Variants in TGM4 observed in about 807,000 individuals in gnomAD.
The protein encoded by TGM4 is transglutaminase 4, also known as protein-glutamine gamma-glutamyltransferase 4.
Under a neutral mutation model 76.3 loss-of-function variants are expected in TGM4, and 61 were observed. The observed-to-expected ratio is 0.80, with a 90% CI of 0.65 to 0.99. The LOEUF (loss-of-function observed/expected upper bound fraction) is 0.99. Among genes scored for constraint, TGM4 ranks in the 50% least tolerant of loss-of-function variants. TGM4 has a pLI of 0.00. For synonymous variants in TGM4, 337 were observed against 329.8 expected, an observed-to-expected ratio of 1.02 and a Z score of -0.24; for missense variants, 794 against 843.2, an observed-to-expected ratio of 0.94 and a Z score of 0.72.
intron 9 of TGM4, among the ~76,000 whole-genome samples, chr3:44,906,678 C>G (rs895048202): frequency 6.6e-6 from 1 of 152,170 alleles, no homozygotes; most frequent in Non-Finnish European, 1.5e-5. Flanking sequence ...CTGTGCTCTA[C>G]TGGGGACTGA....
At chr3:44,895,226 C>T (rs541415204) in intron 5 of TGM4, among the ~76,000 whole-genome samples, 3 of 152,258 alleles carry the variant, frequency 2.0e-5, no homozygotes, top group East Asian at 1.9e-4. Context: ...ACCCGGGAGA[C>T]GGAGGTTGCA....
chr3:44,910,389 A>C, intron 11 of TGM4, 21 bp downstream of exon 11: 2 of 1,607,632 alleles, frequency 1.2e-6, no homozygotes, highest in South Asian at 2.2e-5. Context: ...CAGAGGGAGG[A>C]GAGGCCTCAA....
At chr3:44,902,786 T>C (rs1699872407) in intron 8 of TGM4, among the ~76,000 whole-genome samples, 1 of 152,170 alleles carries the variant, frequency 6.6e-6, no homozygotes, top group Non-Finnish European at 1.5e-5. Context: ...ATGAAGCTTA[T>C]TTCCTTTGTT....
rs372660125 is a variant in TGM4, at chr3:44,889,430, T to G, written c.301-1173T>G. Among the ~76,000 whole-genome samples, 253 of 152,150 alleles carry G rather than the reference T, an allele frequency of 1.7e-3. 1 individual carries two copies. Among genetic ancestry groups the G allele is most frequent in the African/African-American group, 5.7e-3 (238 of 41,518 alleles). Reference sequence around the variant, plus strand: ...CCTGCCCTTTCTCCTGGGGCCTTCCTGAAGTCAAAAGCCATCAGATGCCCA... The same window carrying G: ...CCTGCCCTTTCTCCTGGGGCCTTCCGGAAGTCAAAAGCCATCAGATGCCCA... On this transcript the variant is annotated intron_variant, in intron 3 of 13. Coordinates refer to ENST00000296125, the MANE Select transcript of TGM4 (RefSeq NM_003241.4).
chr3:44,906,654 C>G (rs543483325), intron 9 of TGM4, among the ~76,000 whole-genome samples: 26 of 152,256 alleles, frequency 1.7e-4, no homozygotes, highest in African/African-American at 3.9e-4. Flanking sequence ...GAATCAGACC[C>G]AGATTGTGTG....
intron 10 of TGM4, among the ~76,000 whole-genome samples, chr3:44,907,569 G>T (rs1699942350): frequency 6.6e-6 from 1 of 152,182 alleles, no homozygotes; most frequent in South Asian, 2.1e-4. Flanking sequence ...GTTCTCCCCA[G>T]TGCCCAGTAA....
At chr3:44,879,619 C>A (rs1330531588) in intron 1 of TGM4, among the ~76,000 whole-genome samples, 3 of 151,612 alleles carry the variant, frequency 2.0e-5, no homozygotes, top group African/African-American at 7.3e-5. Flanking sequence ...ACTACAGGCG[C>A]CTGCCACCAC....
In TGM4 at chr3:44,887,848, C is replaced by T. The variant is rs754440081; in HGVS notation, c.300+53C>T. 1.0e-5 allele frequency: 16 copies of T among 1,525,216 alleles called. No individual in the cohort carries two copies. In the Admixed American group the frequency reaches 1.3e-4, roughly 13 times the overall value. The allele number at this position is 1,525,216 out of a possible 1,614,324, so 94.5% of individuals were successfully genotyped here. A position where few individuals can be genotyped will look rare whatever the true frequency, so the allele number is the denominator to read the frequency against. ...GCTGGCTGGCTTCTGGCGGAATGCT[C>T]CTAATGTGAGCAGCCCCTATCCCCT... On this transcript the variant is annotated intron_variant, in intron 3 of 13. Transcript: ENST00000296125.
intron 1 of TGM4, among the ~76,000 whole-genome samples, chr3:44,878,451 TA>T (rs869026666): frequency 0.03 from 365 of 12,168 alleles, 5 homozygotes; most frequent in African/African-American, 0.078. Flanking sequence ...ACTTTTGTTT[TA>T]TTATTATTAT....
At chr3:44,895,021 C>T (rs183155639) in intron 5 of TGM4, among the ~76,000 whole-genome samples, 2 of 152,248 alleles carry the variant, frequency 1.3e-5, no homozygotes, top group East Asian at 3.9e-4. Context: ...GTGGGCCGGG[C>T]ACGGTGGCTC....
At chr3:44,883,271 T>C (rs774254818) in intron 1 of TGM4, among the ~76,000 whole-genome samples, 2 of 152,140 alleles carry the variant, frequency 1.3e-5, no homozygotes, top group Non-Finnish European at 2.9e-5. Context: ...GGGTTGCCAA[T>C]GTGGTGATAC....
At chr3:44,911,446 A>G (rs2036618) in intron 13 of TGM4, 40 bp downstream of exon 13, 18,391 of 1,609,840 alleles carry the variant, frequency 0.011, 253 homozygotes, top group African/African-American at 0.064. Context: ...ATGCTTCTGG[A>G]CATATATCTT....
rs1393072540 is a variant in TGM4 at position 44,914,019 on chromosome 3, T to C, written c.*294T>C. ...CCACCATTGTCTCAATTCAAATCCA[T>C]AGATTTCGAAGCCACAGAGTCTCTC... On this transcript the variant is annotated 3_prime_UTR_variant, in exon 14 of 14. Coordinates refer to ENST00000296125, the MANE Select transcript of TGM4 (RefSeq NM_003241.4). 3 of 297,618 alleles carry C rather than the reference T, an allele frequency of 1.0e-5. No homozygotes were observed. Among genetic ancestry groups the C allele is most frequent in the East Asian group, 6.6e-5 (1 of 15,090 alleles). 18.4% of individuals were successfully genotyped at this position (297,618 alleles called of 1,614,324 possible).
chr3:44,892,913 T>A (rs1235992028), intron 4 of TGM4, among the ~76,000 whole-genome samples: 1 of 152,228 alleles, frequency 6.6e-6, no homozygotes, highest in Non-Finnish European at 1.5e-5. Flanking sequence ...CAGTCCTTGC[T>A]GGATATTATG....
intron 13 of TGM4, among the ~76,000 whole-genome samples, 178 bp downstream of exon 13, chr3:44,911,584 A>T (rs1700006778): frequency 6.6e-6 from 1 of 152,186 alleles, no homozygotes; most frequent in Admixed American, 6.5e-5. Context: ...CTACCGACAG[A>T]TCTTTTTGAT....
Position 44,913,906 on chromosome 3 carries a change from C to A in TGM4, c.*181C>A. ...CCCACAAGGCCAGGTCCTGTGCTAT[C>A]ACAGGGTCACCTCTTTTACAGTTAG... On this transcript the variant is annotated 3_prime_UTR_variant, in exon 14 of 14. Transcript: ENST00000296125. 1 of 703,742 alleles carries A rather than the reference C, an allele frequency of 1.4e-6. No individual in the cohort carries two copies. The highest frequency in any genetic ancestry group is 2.2e-6 in the Non-Finnish European group (1 of 445,536). The allele number at this position is 703,742 out of a possible 1,614,324, so 43.6% of individuals were successfully genotyped here.
intron 6 of TGM4, among the ~76,000 whole-genome samples, chr3:44,898,280 C>CA (rs35054781): frequency 2.7e-4 from 27 of 98,772 alleles, no homozygotes; most frequent in Middle Eastern, 5.0e-3. Flanking sequence ...GACTCTGTCT[C>CA]AAAAAAAAAA....
chr3:44,888,607 G>C (rs991306093), intron 3 of TGM4: 2 of 152,174 alleles, frequency 1.3e-5, no homozygotes, highest in Non-Finnish European at 2.9e-5. Context: ...CCTGAGGTGG[G>C]CATGGGTTGT....
At position 44,901,598 on chromosome 3, in the gene TGM4, C is replaced by A; in HGVS notation, c.732C>A (p.Tyr244Ter). ...ACTACGAAGGTGGCACAGCCCCATACAAGTGGACAGGCAGTGCCCCGATCC... is the reference window on the plus strand; with the variant it reads ...ACTACGAAGGTGGCACAGCCCCATAAAAGTGGACAGGCAGTGCCCCGATCC... ...TGDYEGGTAP[Y>*]KWTGSAPILQ... Residue 244 changes from tyrosine (Y) to a stop codon, truncating the protein, a stop_gained, in exon 7 of 14, where the codon TAC becomes TAA. Transcript: ENST00000296125. LOFTEE classifies it high-confidence loss of function. 6.2e-7 allele frequency: 1 copy of A among 1,614,124 alleles called. No individual in the cohort carries two copies. The highest frequency in any genetic ancestry group is 2.2e-5 in the East Asian group (1 of 44,882).
Sources: allele counts gnomAD v4.1 joint callset (sites outside exome capture counted in the v4.1 genomes callset), GRCh38; gene constraint gnomAD v4.1.1; transcripts MANE v1.5; gene names NCBI Gene and HGNC (gene_info 2026-07-23, HGNC 2026-07-21).